GPR149: variants seen among roughly 807,000 people sequenced by gnomAD.
GPR149 encodes probable G protein-coupled receptor 149.
A neutral mutation model predicts 50.2 loss-of-function variants in GPR149; 50 were observed. The observed-to-expected ratio is 1.00, with a 90% CI of 0.79 to 1.26. GPR149 has a LOEUF of 1.26. GPR149 is among the 50% of genes most tolerant of loss of function. GPR149 has a pLI of 0.00. For synonymous variants in GPR149, 405 were observed against 358.2 expected, an observed-to-expected ratio of 1.13 and a Z score of -1.48; for missense variants, 983 against 895.4, an observed-to-expected ratio of 1.10 and a Z score of -1.25.
intron 3 of GPR149, among the ~76,000 whole-genome samples, chr3:154,375,496 T>C (rs1223724926): frequency 2.0e-5 from 3 of 152,212 alleles, no homozygotes; most frequent in Non-Finnish European, 2.9e-5. Context: ...TTCCAGAATG[T>C]AAACTTTTAA....
chr3:154,414,659 C>T (rs1453637637), intron 3 of GPR149, among the ~76,000 whole-genome samples: 1 of 151,928 alleles, frequency 6.6e-6, no homozygotes, highest in African/African-American at 2.4e-5. Flanking sequence ...TAAGATGTAT[C>T]AACATCATGT....
At chr3:154,394,119 A>G (rs1715234784) in intron 3 of GPR149, among the ~76,000 whole-genome samples, 1 of 152,116 alleles carries the variant, frequency 6.6e-6, no homozygotes, top group Non-Finnish European at 1.5e-5. Context: ...AATTTTAAGA[A>G]GGAAGAGCAA....
chr3:154,391,866 C>T (rs1715179643), intron 3 of GPR149, among the ~76,000 whole-genome samples: 1 of 151,486 alleles, frequency 6.6e-6, no homozygotes, highest in Non-Finnish European at 1.5e-5. Context: ...GAAAGACTGG[C>T]TATACTTATA....
intron 3 of GPR149, among the ~76,000 whole-genome samples, chr3:154,370,494 T>C (rs1196274001): frequency 6.6e-6 from 1 of 152,112 alleles, no homozygotes; most frequent in Non-Finnish European, 1.5e-5. Context: ...AAAAACAAAC[T>C]GTCCCCTCGC....
intron 3 of GPR149, among the ~76,000 whole-genome samples, chr3:154,419,815 C>A (rs1468290606): frequency 1.3e-5 from 2 of 151,982 alleles, no homozygotes; most frequent in African/African-American, 4.8e-5. Flanking sequence ...GTTGGAATTC[C>A]CCTCTTAGCT....
chr3:154,355,464 T>C (rs1714197487), intron 3 of GPR149, among the ~76,000 whole-genome samples: 1 of 152,254 alleles, frequency 6.6e-6, no homozygotes, highest in Non-Finnish European at 1.5e-5. Flanking sequence ...GTTGTTTCTC[T>C]TGGGATTATT....
intron 3 of GPR149, among the ~76,000 whole-genome samples, chr3:154,359,250 T>C (rs1430934044): frequency 6.6e-6 from 1 of 152,218 alleles, no homozygotes; most frequent in Non-Finnish European, 1.5e-5. Flanking sequence ...GTAGTTTGTA[T>C]TCTTGTCAGT....
chr3:154,428,250 G>C (rs374196285), intron 1 of GPR149, among the ~76,000 whole-genome samples: 11 of 152,212 alleles, frequency 7.2e-5, no homozygotes, highest in Non-Finnish European at 1.3e-4. Context: ...GGAATGGAAC[G>C]GCGAGAAAGG....
At chr3:154,424,120 T>G (rs1712231384) in intron 2 of GPR149, among the ~76,000 whole-genome samples, 1 of 151,882 alleles carries the variant, frequency 6.6e-6, no homozygotes, top group Non-Finnish European at 1.5e-5. Flanking sequence ...GTTCATAGAC[T>G]TGATGTAAAA....
chr3:154,358,647 G>C (rs1714304692), intron 3 of GPR149, among the ~76,000 whole-genome samples: 1 of 152,110 alleles, frequency 6.6e-6, no homozygotes, highest in Non-Finnish European at 1.5e-5. Flanking sequence ...CAACAAGAAT[G>C]AAAAGAAAGC....
In GPR149 at chr3:154,428,941, G is replaced by A; in HGVS notation, c.675C>T (p.Leu225=). ...GGGAAATTTCCTGGTAGTTGGAGTG[G>A]AGTCTCGGCGGCTCCTCCGAACACA... The part of the protein sequence containing the change: ...RLLCSEEPPR[L]HSNYQEISRG... The change falls in exon 1 of 4, where the codon CTC becomes CTT. Residue 225 remains leucine (L), a synonymous_variant. Transcript: ENST00000389740. 2 of 1,613,844 alleles carry A rather than the reference G, an allele frequency of 1.2e-6. No individual in the cohort carries two copies. Among genetic ancestry groups the A allele is most frequent in the Non-Finnish European group, 8.5e-7 (1 of 1,179,920 alleles).
At chr3:154,405,893 A>G (rs1461812538) in intron 3 of GPR149, among the ~76,000 whole-genome samples, 1 of 151,908 alleles carries the variant, frequency 6.6e-6, no homozygotes, top group Non-Finnish European at 1.5e-5. Context: ...AAAAAAATTC[A>G]AATGCAATTA....
intron 3 of GPR149, among the ~76,000 whole-genome samples, chr3:154,402,506 A>AGAAAGTTTCAAAGATCCTT (rs61020007): frequency 0.62 from 93,270 of 151,128 alleles, 29,682 homozygotes; most frequent in East Asian, 0.8. Context: ...ATCAATTCCT[A>AGAAAGTTTCAAAGATCCTT]GAAAGTTTCA....
Position 154,335,818 on chromosome 3 carries a change from T to C in GPR149, c.*1881A>G, listed in dbSNP as rs1418953741. The C allele has an allele frequency of 6.6e-6, 1 of 152,182 alleles. No homozygotes were observed. Among genetic ancestry groups the C allele is most frequent in the African/African-American group, 2.4e-5 (1 of 41,468 alleles). 9.4% of individuals were successfully genotyped at this position (152,182 alleles called of 1,614,324 possible). ...TTTGCTATTTTCTTCAGCTTTATTA[T>C]GATCCTGTGTCTAATTTCCTTTTTG... On this transcript the variant is annotated 3_prime_UTR_variant, in exon 4 of 4. Transcript: ENST00000389740.
chr3:154,411,946 C>G (rs989920607), intron 3 of GPR149, among the ~76,000 whole-genome samples: 1 of 152,118 alleles, frequency 6.6e-6, no homozygotes, highest in South Asian at 2.1e-4. Context: ...TGCAAAAATC[C>G]TCAACAAAAT....
chr3:154,408,161 A>G (rs1711746142), intron 3 of GPR149, among the ~76,000 whole-genome samples: 1 of 152,228 alleles, frequency 6.6e-6, no homozygotes, highest in Admixed American at 6.5e-5. Flanking sequence ...TATGCTAAAT[A>G]TAGAAAGAAT....
At chr3:154,425,041 A>G (rs896173895) in intron 2 of GPR149, among the ~76,000 whole-genome samples, 1 of 151,924 alleles carries the variant, frequency 6.6e-6, no homozygotes, top group African/African-American at 2.4e-5. Flanking sequence ...ATCATTTGAG[A>G]AGCAAAACAA....
At chr3:154,368,890 G>A (rs549742848) in intron 3 of GPR149, among the ~76,000 whole-genome samples, 1 of 152,308 alleles carries the variant, frequency 6.6e-6, no homozygotes, top group South Asian at 2.1e-4. Flanking sequence ...CCCCAGACCC[G>A]GGCCTTGCCA....
chr3:154,403,640 A>G (rs1711602920), intron 3 of GPR149, among the ~76,000 whole-genome samples: 1 of 152,246 alleles, frequency 6.6e-6, no homozygotes, highest in African/African-American at 2.4e-5. Flanking sequence ...GCCTTGGAAG[A>G]GATCAGCACA....
Sources: gnomAD v4.1 joint callset for allele counts (sites outside exome capture counted in the v4.1 genomes callset) on GRCh38, gnomAD v4.1.1 for gene constraint, MANE v1.5 for transcripts, NCBI Gene and HGNC (gene_info 2026-07-23, HGNC 2026-07-21) for gene names.